RARRES2: variants seen among roughly 807,000 people sequenced by gnomAD.
The protein encoded by RARRES2 is retinoic acid receptor responder protein 2.
In RARRES2, 12 loss-of-function variants were observed where a neutral mutation model predicts 17.9. That is an observed-to-expected ratio of 0.67 (90% confidence interval 0.43 to 1.08). RARRES2 has a LOEUF of 1.08. RARRES2 is among the 50% of genes least tolerant of loss of function. The pLI, the probability that RARRES2 is intolerant of heterozygous loss-of-function variation, is 0.00. For missense variants in RARRES2, 220 were observed against 210.1 expected (o/e 1.05, Z -0.29); for synonymous variants, 82 against 86.8 (o/e 0.94, Z 0.31).
At position 150,340,486 on chromosome 7, in the gene RARRES2, G is replaced by A. The variant is rs780049478; in HGVS notation, c.124C>T (p.Pro42Ser). The change falls in exon 2 of 6, where the codon CCC (proline) becomes TCC (serine). Residue 42 changes from proline to serine, a missense_variant. Transcript: ENST00000223271. ...GTCTCCTGGAAGGCCCACTGCACGG[G>A]CGGGTGCTTGTGAAATTCCTCCAGG... ...VALEEFHKHP[P>S]VQWAFQETSV... The A allele has an allele frequency of 6.2e-7, 1 of 1,608,852 alleles. No individual in the cohort carries two copies. Among genetic ancestry groups the A allele is most frequent in the South Asian group, 1.1e-5 (1 of 90,082 alleles).
chr7:150,339,086 GGGGGAGC>G lies in RARRES2; in HGVS notation c.280-12_280-6del. ...GGCCAGGCATTTCCGTTTCCTCTGT[GGGGGAGC>G]GGGGAGCATGGGGTGAGCAGAGGAA... On this transcript the variant is annotated splice_region_variant and splice_polypyrimidine_tract_variant and intron_variant, in intron 3 of 5. Transcript: ENST00000223271. The G allele has an allele frequency of 6.3e-7, 1 of 1,592,572 alleles. No homozygotes were observed. Among genetic ancestry groups the G allele is most frequent in the Non-Finnish European group, 8.6e-7 (1 of 1,160,538 alleles).
chr7:150,338,544 C>T (rs1798392133), intron 5 of RARRES2, 71 bp downstream of exon 5: 2 of 1,521,986 alleles, frequency 1.3e-6, no homozygotes, highest in South Asian at 2.5e-5. Flanking sequence ...GCTCCCAAAG[C>T]CCAGCCCAGC....
In RARRES2 at chr7:150,338,384, G is replaced by A. The variant is rs1449735079; in HGVS notation, c.*66C>T. ...GATAGAACGGGTTCCTCTCCCTGGG[G>A]GCTGGGGTCTTCCACTGGTTACCAC... is the stretch of plus-strand genomic sequence containing the variant. On this transcript the variant is annotated 3_prime_UTR_variant, in exon 6 of 6. Transcript: ENST00000223271. 2.0e-6 allele frequency: 3 copies of A among 1,493,780 alleles called. No individual in the cohort carries two copies. Among genetic ancestry groups the A allele is most frequent in the Non-Finnish European group, 2.7e-6 (3 of 1,120,418 alleles). The allele number at this position is 1,493,780 out of a possible 1,614,324, so 92.5% of individuals were successfully genotyped here.
chr7:150,340,327 T>G, intron 2 of RARRES2, 109 bp downstream of exon 2: 1 of 1,541,706 alleles, frequency 6.5e-7, no homozygotes. Context: ...TGGCCTTTTC[T>G]CCAAAGGGCT....
At position 150,340,417 on chromosome 7, in the gene RARRES2, C is replaced by A; in HGVS notation, c.174+19G>T. The A allele has an allele frequency of 6.3e-7, 1 of 1,582,702 alleles. No homozygotes were observed. The highest frequency in any genetic ancestry group is 8.6e-7 in the Non-Finnish European group (1 of 1,161,210). The stretch of plus-strand genomic sequence containing the variant: ...TGGGGTACGACCCTCCCCGCTCCTG[C>A]CCGGGCCATGCTACTCACCGTGTCC... On this transcript the variant is annotated intron_variant, in intron 2 of 5. Transcript: ENST00000223271.
chr7:150,338,719 G>A lies in RARRES2; in HGVS notation c.398C>T (p.Thr133Ile). ...AGCCCGCTGCACCCTGAGGCACTGG[G>A]TCTCCTGGTGCTCCTCAGCCTCCTG... ...VLREAEEHQE[T>I]QCLRVQRAGE... is the part of the protein sequence containing the mutation. Residue 133 changes from threonine (T) to isoleucine (I), a missense_variant, in exon 5 of 6, where the codon ACC (threonine) becomes ATC (isoleucine). Thr to Ile is a moderately conservative substitution (Grantham distance 89). Coordinates refer to ENST00000223271, the MANE Select transcript of RARRES2 (RefSeq NM_002889.4). 1 of 1,555,866 alleles carries A rather than the reference G, an allele frequency of 6.4e-7. No individual in the cohort carries two copies. The highest frequency in any genetic ancestry group is 1.4e-5 in the African/African-American group (1 of 73,308).
intron 5 of RARRES2, 59 bp downstream of exon 5, chr7:150,338,556 C>T: frequency 6.5e-7 from 1 of 1,530,848 alleles, no homozygotes; most frequent in Non-Finnish European, 8.8e-7. Flanking sequence ...CAGCCCAGCC[C>T]CTCAGCATTC....
chr7:150,338,595 C>T lies in RARRES2; in HGVS notation c.*10+20G>A, dbSNP rs762486251. ...GGGCTGGCCTCATCCAGACGGTGCT[C>T]TCAGCCCCCTGGTGCCTACCAGTGC... On this transcript the variant is annotated intron_variant, in intron 5 of 5. Transcript: ENST00000223271. The T allele has an allele frequency of 3.2e-6, 5 of 1,550,732 alleles. No individual in the cohort carries two copies. In the South Asian group the frequency reaches 6.0e-5, roughly 18 times the overall value.
chr7:150,340,489 G>A lies in RARRES2; in HGVS notation c.121C>T (p.Pro41Ser), dbSNP rs377597732. 7 of 1,608,264 alleles carry A rather than the reference G, an allele frequency of 4.4e-6. No individual in the cohort carries two copies. In the African/African-American group the frequency reaches 9.4e-5, roughly 21 times the overall value. ...TCCTGGAAGGCCCACTGCACGGGCG[G>A]GTGCTTGTGAAATTCCTCCAGGGCC... Reference protein sequence around the residue: ...QVALEEFHKHPPVQWAFQETS... With the variant: ...QVALEEFHKHSPVQWAFQETS... The change falls in exon 2 of 6, where the codon CCG becomes TCG. Residue 41 changes from proline to serine, a missense_variant. Pro to Ser is a moderately conservative substitution (Grantham distance 74, BLOSUM62 -1). Coordinates refer to ENST00000223271, the MANE Select transcript of RARRES2 (RefSeq NM_002889.4).
In RARRES2 at chr7:150,340,117, T is replaced by C. The variant is rs200370590; in HGVS notation, c.262A>G (p.Lys88Glu). The C allele has an allele frequency of 1.9e-6, 3 of 1,614,138 alleles. No homozygotes were observed. In the African/African-American group the frequency reaches 4.0e-5, roughly 22 times the overall value. ...TCACTCACCCCATTGGGCCTGACTTTGCACTCGGGTTTCTTCCAGTCCCTC... is the reference window on the plus strand; with the variant it reads ...TCACTCACCCCATTGGGCCTGACTTCGCACTCGGGTTTCTTCCAGTCCCTC... Reference protein sequence around the residue: ...RKRDWKKPECKVRPNGRKRKC... With the variant: ...RKRDWKKPECEVRPNGRKRKC... Residue 88 changes from lysine (K) to glutamate (E), a missense_variant, in exon 3 of 6, where the codon AAA becomes GAA. Transcript: ENST00000223271.
At chr7:150,339,889 G>C (rs1798437726) in intron 3 of RARRES2, among the ~76,000 whole-genome samples, 1 of 152,140 alleles carries the variant, frequency 6.6e-6, no homozygotes, top group African/African-American at 2.4e-5. Flanking sequence ...CCAGGCCCCA[G>C]CTCCCACCAG....
At chr7:150,339,723 T>C (rs1585053451) in intron 3 of RARRES2, among the ~76,000 whole-genome samples, 1 of 152,040 alleles carries the variant, frequency 6.6e-6, no homozygotes, top group Non-Finnish European at 1.5e-5. Context: ...CCGTGACTGA[T>C]GACTGGAGTC....
chr7:150,338,698 C>G lies in RARRES2; in HGVS notation c.419G>C (p.Arg140Pro), dbSNP rs375936595. The G allele has an allele frequency of 1.0e-5, 16 of 1,555,344 alleles. No individual in the cohort carries two copies. Among genetic ancestry groups the G allele is most frequent in the Non-Finnish European group, 1.4e-5 (16 of 1,149,082 alleles). ...HQETQCLRVQ[R>P]AGEDPHSFYF... Reference sequence around the variant, plus strand: ...GAAGCTGTGGGGGTCCTCACCAGCCCGCTGCACCCTGAGGCACTGGGTCTC... The same window carrying G: ...GAAGCTGTGGGGGTCCTCACCAGCCGGCTGCACCCTGAGGCACTGGGTCTC... The change falls in exon 5 of 6, where the codon CGG becomes CCG. Residue 140 changes from arginine (R) to proline (P), a missense_variant. By Grantham distance (103) the Arg-to-Pro change is moderately radical (BLOSUM62 -2). Transcript: ENST00000223271.
chr7:150,340,798 G>T, intron 1 of RARRES2, 169 bp from the exon 2 acceptor site: 1 of 598,002 alleles, frequency 1.7e-6, no homozygotes, highest in Non-Finnish European at 2.8e-6. Flanking sequence ...TGACCTTAGG[G>T]TCCGCCTGGC....
At chr7:150,338,895 C>G in intron 4 of RARRES2, 91 bp downstream of exon 4, 8 of 1,544,534 alleles carry the variant, frequency 5.2e-6, no homozygotes, top group Non-Finnish European at 5.3e-6. Context: ...TCCTGCTTGG[C>G]CAAGCTTTAG....
In RARRES2 at chr7:150,338,411, C is replaced by G. The variant is rs1047575; in HGVS notation, c.*39G>C. On this transcript the variant is annotated 3_prime_UTR_variant, in exon 6 of 6. Transcript: ENST00000223271. The stretch of plus-strand genomic sequence containing the variant: ...CTGGGGTCTTCCACTGGTTACCACC[C>G]GCAGCGGTCCTGGAGGCACCACGCA... 398,603 of 1,512,648 alleles carry G rather than the reference C, an allele frequency of 0.26. 53,725 individuals are homozygous for G. The highest frequency in any genetic ancestry group is 0.33 in the East Asian group (12,991 of 38,886). The allele number at this position is 1,512,648 out of a possible 1,614,324, so 93.7% of individuals were successfully genotyped here.
chr7:150,341,238 G>T (rs1248209272), intron 1 of RARRES2: 1 of 152,350 alleles, frequency 6.6e-6, no homozygotes, highest in Admixed American at 6.5e-5. Context: ...AGCCCCAGTC[G>T]CTAGGAATGG....
At chr7:150,338,881 T>C in intron 4 of RARRES2, 105 bp downstream of exon 4, 1 of 1,541,072 alleles carries the variant, frequency 6.5e-7, no homozygotes, top group South Asian at 1.2e-5. Context: ...CCCACTGCCC[T>C]CCCTCCTGCT....
chr7:150,340,722 C>CGG lies in RARRES2; in HGVS notation c.-20-95_-20-94dup, dbSNP rs61129646. 3.6e-6 allele frequency: 4 copies of CGG among 1,116,274 alleles called. No homozygotes were observed. The African/African-American group carries it at 5.0e-5, about 14-fold the overall frequency. The allele number at this position is 1,116,274 out of a possible 1,614,324, so 69.1% of individuals were successfully genotyped here. A position where few individuals can be genotyped will look rare whatever the true frequency, so the allele number is the denominator to read the frequency against. On this transcript the variant is annotated intron_variant, in intron 1 of 5. Coordinates refer to ENST00000223271, the MANE Select transcript of RARRES2 (RefSeq NM_002889.4). ...CTGGGGGGAGGGTGGGGAGCGGGGG[C>CGG]GGGGTCCAGGCCTGTAGAACGCTGG... is the stretch of plus-strand genomic sequence containing the variant.
Sources: allele counts gnomAD v4.1 joint callset (sites outside exome capture counted in the v4.1 genomes callset), GRCh38; gene constraint gnomAD v4.1.1; transcripts MANE v1.5; gene names NCBI Gene and HGNC (gene_info 2026-07-23, HGNC 2026-07-21).